NRG3: variants seen among roughly 807,000 people sequenced by gnomAD.
The protein encoded by NRG3 is neuregulin 3, also known as pro-neuregulin-3, membrane-bound isoform.
A neutral mutation model predicts 66.9 loss-of-function variants in NRG3; 31 were observed. The observed-to-expected ratio is 0.46, with a 90% CI of 0.35 to 0.63. NRG3 has a LOEUF of 0.63. Among genes scored for constraint, NRG3 ranks in the 20% least tolerant of loss-of-function variants. NRG3 has a pLI of 0.00. For synonymous variants in NRG3, 393 were observed against 359.4 expected (o/e 1.09, Z -1.06); for missense variants, 910 against 878.9 (o/e 1.04, Z -0.45).
chr10:82,130,258 T>A (rs2132484219), intron 1 of NRG3, among the ~76,000 whole-genome samples: 1 of 152,184 alleles, frequency 6.6e-6, no homozygotes, highest in African/African-American at 2.4e-5. Context: ...AGTTCTAGGG[T>A]ACATGTATGT....
chr10:82,956,121 G>A (rs1263627610), intron 5 of NRG3, among the ~76,000 whole-genome samples: 1 of 151,826 alleles, frequency 6.6e-6, no homozygotes, highest in East Asian at 1.9e-4. Context: ...TGCCTTCCCA[G>A]GAGCCCAATC....
At chr10:82,158,850 C>G (rs1309681054) in intron 1 of NRG3, among the ~76,000 whole-genome samples, 1 of 151,848 alleles carries the variant, frequency 6.6e-6, no homozygotes, top group African/African-American at 2.4e-5. Flanking sequence ...TAAACCTGAT[C>G]ATTTTCACAC....
intron 6 of NRG3, 135 bp from the exon 7 acceptor site, chr10:82,973,653 T>A: frequency 1.1e-6 from 1 of 869,956 alleles, no homozygotes; most frequent in Non-Finnish European, 1.9e-6. Flanking sequence ...ACAAATTATG[T>A]CTTATCTCCT....
chr10:82,128,288 C>T (rs1450602871), intron 1 of NRG3, among the ~76,000 whole-genome samples: 1 of 151,974 alleles, frequency 6.6e-6, no homozygotes, highest in Non-Finnish European at 1.5e-5. Context: ...AGTGCTATTT[C>T]ATTTTTCTAA....
At chr10:81,940,277 G>A (rs1244050674) in intron 1 of NRG3, among the ~76,000 whole-genome samples, 1 of 151,848 alleles carries the variant, frequency 6.6e-6, no homozygotes. Flanking sequence ...ATGTCTCTTG[G>A]GTCCAGTTGG....
At chr10:82,935,626 CT>C (rs199986835) in intron 4 of NRG3, among the ~76,000 whole-genome samples, 3 of 150,974 alleles carry the variant, frequency 2.0e-5, no homozygotes, top group Admixed American at 6.6e-5. Context: ...TTATTTTTCT[CT>C]TTTTTTTTAA....
intron 1 of NRG3, among the ~76,000 whole-genome samples, chr10:82,077,548 T>C (rs1448008257): frequency 1.3e-5 from 2 of 152,200 alleles, no homozygotes; most frequent in Non-Finnish European, 2.9e-5. Flanking sequence ...CTGTTAGAGC[T>C]TTGCTCTTGG....
intron 2 of NRG3, among the ~76,000 whole-genome samples, chr10:82,703,214 T>G (rs2056031178): frequency 1.3e-5 from 2 of 152,144 alleles, no homozygotes; most frequent in Admixed American, 6.6e-5. Flanking sequence ...AAATTAGTTG[T>G]ATGAGATATT....
chr10:82,389,546 T>C, intron 2 of NRG3, among the ~76,000 whole-genome samples: 1 of 152,184 alleles, frequency 6.6e-6, no homozygotes, highest in East Asian at 1.9e-4. Flanking sequence ...GCCAGCTAGC[T>C]ATTCTTAACA....
intron 7 of NRG3, among the ~76,000 whole-genome samples, chr10:82,976,940 G>A (rs543023467): frequency 6.6e-6 from 1 of 152,108 alleles, no homozygotes; most frequent in African/African-American, 2.4e-5. Context: ...TAGTCCTGGG[G>A]CACAGCAGTC....
intron 3 of NRG3, among the ~76,000 whole-genome samples, chr10:82,785,850 G>T (rs1327707288): frequency 6.6e-6 from 1 of 152,268 alleles, no homozygotes; most frequent in Non-Finnish European, 1.5e-5. Context: ...TTAATAGTGT[G>T]ACAAAGGTGT....
chr10:82,686,447 C>T (rs560985316), intron 2 of NRG3, among the ~76,000 whole-genome samples: 5 of 152,150 alleles, frequency 3.3e-5, no homozygotes, highest in African/African-American at 9.7e-5. Flanking sequence ...CTCAGCCCCC[C>T]AAAGTGCTGG....
chr10:82,324,899 G>C (rs895747012), intron 1 of NRG3, among the ~76,000 whole-genome samples: 22 of 152,304 alleles, frequency 1.4e-4, no homozygotes, highest in Middle Eastern at 3.4e-3. Flanking sequence ...TGGATGGAGT[G>C]TACTATAACT....
At chr10:82,751,001 G>A (rs765120674) in intron 3 of NRG3, among the ~76,000 whole-genome samples, 9 of 152,064 alleles carry the variant, frequency 5.9e-5, no homozygotes, top group South Asian at 2.1e-4. Context: ...GCAGTCCACC[G>A]TATATAACCT....
At chr10:82,652,284 G>C (rs758645926) in intron 2 of NRG3, among the ~76,000 whole-genome samples, 16 of 152,142 alleles carry the variant, frequency 1.1e-4, no homozygotes, top group Non-Finnish European at 2.2e-4. Flanking sequence ...CAGCCTTTTT[G>C]TATCCACACT....
At chr10:82,334,149 A>AAG (rs1358920485) in intron 1 of NRG3, among the ~76,000 whole-genome samples, 46 of 150,700 alleles carry the variant, frequency 3.1e-4, no homozygotes, top group African/African-American at 9.8e-4. Flanking sequence ...AAAAAAAAAA[A>AAG]AAAAAAGAAA....
At chr10:82,944,076 T>C (rs1848796522) in intron 4 of NRG3, among the ~76,000 whole-genome samples, 1 of 152,210 alleles carries the variant, frequency 6.6e-6, no homozygotes, top group South Asian at 2.1e-4. Context: ...CATAATACCC[T>C]ATGAATCAAA....
chr10:82,884,012 T>G (rs956900957), intron 4 of NRG3, among the ~76,000 whole-genome samples: 28 of 152,088 alleles, frequency 1.8e-4, no homozygotes, highest in African/African-American at 6.0e-4. Context: ...TTCTGTCTAT[T>G]TAAAATGTAT....
At chr10:82,652,634 A>C (rs2051515110) in intron 2 of NRG3, among the ~76,000 whole-genome samples, 1 of 152,060 alleles carries the variant, frequency 6.6e-6, no homozygotes, top group African/African-American at 2.4e-5. Flanking sequence ...AGGGCAGGCC[A>C]TGGGTGGTTT....
Sources: allele counts gnomAD v4.1 joint callset (sites outside exome capture counted in the v4.1 genomes callset), GRCh38; gene constraint gnomAD v4.1.1; transcripts MANE v1.5; gene names NCBI Gene and HGNC (gene_info 2026-07-23, HGNC 2026-07-21).